The following PTBP3 variants were observed in gnomAD, a reference collection of about 807,000 sequenced individuals.
PTBP3 encodes polypyrimidine tract-binding protein 3.
Under a neutral mutation model 58.7 loss-of-function variants are expected in PTBP3, and 20 were observed. That is an observed-to-expected ratio of 0.34 (90% CI 0.24 to 0.50). The LOEUF (loss-of-function observed/expected upper bound fraction) is 0.50. Ranked by LOEUF, PTBP3 falls within the 20% of genes least tolerant of loss-of-function variation. The pLI is 0.98. For synonymous variants in PTBP3, 185 were observed against 219.8 expected, an observed-to-expected ratio of 0.84 and a Z score of 1.40; for missense variants, 509 against 637.2, an observed-to-expected ratio of 0.80 and a Z score of 2.17.
chr9:112,229,874 A>G (rs1295360898), intron 10 of PTBP3, among the ~76,000 whole-genome samples: 1 of 152,200 alleles, frequency 6.6e-6, no homozygotes, highest in Non-Finnish European at 1.5e-5. Context: ...TTTTTAAATG[A>G]GTGAGAAATT....
upstream of PTBP3, among the ~76,000 whole-genome samples, chr9:112,338,648 C>T (rs140964966): frequency 2.6e-5 from 4 of 152,296 alleles, no homozygotes; most frequent in East Asian, 7.7e-4. Context: ...AAGGTTGTAA[C>T]AGCTGACACA....
intron 12 of PTBP3, among the ~76,000 whole-genome samples, chr9:112,225,443 A>T (rs1300518035): frequency 2.0e-5 from 3 of 152,196 alleles, no homozygotes; most frequent in Admixed American, 2.0e-4. Context: ...ATGGGTACAG[A>T]GTTTCAGTTT....
the PTBP3 span, among the ~76,000 whole-genome samples, chr9:112,376,937 A>C: frequency 6.6e-6 from 1 of 152,192 alleles, no homozygotes; most frequent in Admixed American, 6.5e-5. Context: ...GCCCTATGAA[A>C]TAAAAAGTTT....
intron 8 of PTBP3, among the ~76,000 whole-genome samples, chr9:112,232,665 G>A (rs549788815): frequency 2.6e-5 from 4 of 152,228 alleles, no homozygotes; most frequent in South Asian, 2.1e-4. Flanking sequence ...TCAAAAACAT[G>A]CATGCTAGGT....
At chr9:112,281,949 A>C (rs1317199055) in intron 2 of PTBP3, among the ~76,000 whole-genome samples, 1 of 152,182 alleles carries the variant, frequency 6.6e-6, no homozygotes, top group Non-Finnish European at 1.5e-5. Flanking sequence ...ATTTCTGGTG[A>C]GGGGTCTTCC....
intron 7 of PTBP3, among the ~76,000 whole-genome samples, chr9:112,246,794 C>T (rs1835897168): frequency 6.6e-6 from 1 of 151,900 alleles, no homozygotes; most frequent in Admixed American, 6.6e-5. Context: ...AGAATAGTAA[C>T]ATTACAGGGA....
At chr9:112,294,150 T>C (rs965952765) in intron 2 of PTBP3, among the ~76,000 whole-genome samples, 1 of 152,194 alleles carries the variant, frequency 6.6e-6, no homozygotes, top group Non-Finnish European at 1.5e-5. Context: ...GTAACATTTA[T>C]AGCCATTGAT....
intron 3 of PTBP3, chr9:112,272,489 A>G (rs1208000728): frequency 6.6e-6 from 1 of 152,194 alleles, no homozygotes; most frequent in African/African-American, 2.4e-5. Context: ...AATCAACACA[A>G]ATTTCTAGTT....
chr9:112,302,582 C>CTTTTTTTTTTTTTTTTTTTT (rs369208342), intron 1 of PTBP3, among the ~76,000 whole-genome samples: 15 of 110,500 alleles, frequency 1.4e-4, no homozygotes, highest in African/African-American at 4.5e-4. Flanking sequence ...TATTCTTCAT[C>CTTTTTTTTTTTTTTTTTTTT]TTTTTTTTTT....
chr9:112,331,687 C>G (rs1467175124), intron 1 of PTBP3, among the ~76,000 whole-genome samples: 2 of 152,214 alleles, frequency 1.3e-5, no homozygotes, highest in Non-Finnish European at 2.9e-5. Context: ...ACTTGAACTT[C>G]CAAATGAACT....
At chr9:112,364,391 G>T in the PTBP3 span, among the ~76,000 whole-genome samples, 1 of 152,092 alleles carries the variant, frequency 6.6e-6, no homozygotes, top group Non-Finnish European at 1.5e-5. Context: ...AGGCACCATG[G>T]CTCATGCCTG....
At chr9:112,305,726 G>C (rs1363497529) in intron 1 of PTBP3, among the ~76,000 whole-genome samples, 2 of 152,104 alleles carry the variant, frequency 1.3e-5, no homozygotes, top group Non-Finnish European at 2.9e-5. Flanking sequence ...GGATAATGAG[G>C]TCAGGAGATA....
chr9:112,230,071 T>C (rs1271910737), intron 10 of PTBP3, among the ~76,000 whole-genome samples: 2 of 152,186 alleles, frequency 1.3e-5, no homozygotes, highest in East Asian at 1.9e-4. Context: ...ACTGTGGTGA[T>C]GGCCACACAA....
At chr9:112,228,970 A>C (rs1835098988) in intron 10 of PTBP3, among the ~76,000 whole-genome samples, 1 of 152,154 alleles carries the variant, frequency 6.6e-6, no homozygotes, top group South Asian at 2.1e-4. Context: ...ATTGATCCTA[A>C]CTCATCTTAT....
the PTBP3 span, among the ~76,000 whole-genome samples, chr9:112,363,272 T>G: frequency 6.6e-6 from 1 of 152,138 alleles, no homozygotes; most frequent in Non-Finnish European, 1.5e-5. Context: ...GGGCTGGGCT[T>G]GGTAGCACAC....
chr9:112,379,799 A>T, the PTBP3 span: 1 of 412,534 alleles, frequency 2.4e-6, no homozygotes, highest in Non-Finnish European at 4.4e-6. Flanking sequence ...AAACCCCTAG[A>T]GACAGGGAAA....
Position 112,221,004 on chromosome 9 carries a change from T to C in PTBP3, c.*2847A>G. Reference sequence around the variant, plus strand: ...TTTCCACCATCCTGATATTTTTTAATCTTTTTTTTACAAAAACTATGCCAA... The same window carrying C: ...TTTCCACCATCCTGATATTTTTTAACCTTTTTTTTACAAAAACTATGCCAA... On this transcript the variant is annotated 3_prime_UTR_variant, in exon 14 of 14. Coordinates refer to ENST00000374257, the MANE Select transcript of PTBP3 (RefSeq NM_001163788.4). 1 of 974,886 alleles carries C rather than the reference T, an allele frequency of 1.0e-6. No homozygotes were observed. The highest frequency in any genetic ancestry group is 1.2e-6 in the Non-Finnish European group (1 of 820,370). The allele number at this position is 974,886 out of a possible 1,614,324, so 60.4% of individuals were successfully genotyped here.
rs1437458175 is a variant in PTBP3 at position 112,221,298 on chromosome 9, C to A, written c.*2553G>T. 4 of 985,618 alleles carry A rather than the reference C, an allele frequency of 4.1e-6. No individual in the cohort carries two copies. The highest frequency in any genetic ancestry group is 4.8e-6 in the Non-Finnish European group (4 of 829,798). 61.1% of individuals were successfully genotyped at this position (985,618 alleles called of 1,614,324 possible). On this transcript the variant is annotated 3_prime_UTR_variant, in exon 14 of 14. Coordinates refer to ENST00000374257, the MANE Select transcript of PTBP3 (RefSeq NM_001163788.4). ...ACACACATTCACACACACACACAAA[C>A]ACACCCCTACACAAATCCCTGAAAA...
chr9:112,224,789 T>C (rs143650345), intron 12 of PTBP3, among the ~76,000 whole-genome samples: 24 of 152,200 alleles, frequency 1.6e-4, no homozygotes, highest in African/African-American at 5.1e-4. Flanking sequence ...CTGAGAGACA[T>C]TGTGGTTTCT....
Sources: allele counts gnomAD v4.1 joint callset (sites outside exome capture counted in the v4.1 genomes callset), GRCh38; gene constraint gnomAD v4.1.1; transcripts MANE v1.5; gene names NCBI Gene and HGNC (gene_info 2026-07-23, HGNC 2026-07-21).